Variants in PRKCB observed in about 807,000 individuals in gnomAD.
PRKCB encodes the protein protein kinase C beta type.
A neutral mutation model predicts 81.5 loss-of-function variants in PRKCB; 13 were observed. The observed-to-expected ratio is 0.16, with a 90% CI of 0.10 to 0.25. PRKCB has a LOEUF of 0.25. PRKCB is among the 10% of genes least tolerant of loss of function. The pLI, the probability that PRKCB is intolerant of heterozygous loss-of-function variation, is 1.00. For synonymous variants in PRKCB, 335 were observed against 321.4 expected, an observed-to-expected ratio of 1.04 and a Z score of -0.45; for missense variants, 509 against 875.7, an observed-to-expected ratio of 0.58 and a Z score of 5.29.
intron 3 of PRKCB, among the ~76,000 whole-genome samples, chr16:23,991,602 T>G (rs1567337053): frequency 6.6e-6 from 1 of 152,224 alleles, no homozygotes; most frequent in East Asian, 1.9e-4. Flanking sequence ...AAAGGAAAAT[T>G]TTGGGTCCTT....
intron 7 of PRKCB, among the ~76,000 whole-genome samples, chr16:24,095,580 A>T (rs1048994861): frequency 6.6e-6 from 1 of 152,192 alleles, no homozygotes; most frequent in Non-Finnish European, 1.5e-5. Context: ...GCTCTGGGAT[A>T]AAGGCTGATA....
intron 7 of PRKCB, among the ~76,000 whole-genome samples, chr16:24,108,333 A>ATT (rs199984593): frequency 2.0e-3 from 275 of 134,956 alleles, no homozygotes; most frequent in African/African-American, 7.3e-3. Context: ...TTTTTATTTT[A>ATT]TTTTTTTTTA....
chr16:24,122,256 T>G (rs539052917), intron 8 of PRKCB, among the ~76,000 whole-genome samples: 4 of 152,084 alleles, frequency 2.6e-5, no homozygotes, highest in African/African-American at 7.2e-5. Flanking sequence ...TTTGGTGCAT[T>G]CAGAGAGCAG....
At chr16:23,957,444 T>C (rs1964364767) in intron 2 of PRKCB, among the ~76,000 whole-genome samples, 1 of 152,164 alleles carries the variant, frequency 6.6e-6, no homozygotes, top group African/African-American at 2.4e-5. Flanking sequence ...TTTGAGAAAG[T>C]TGAGTACCCA....
At chr16:24,081,086 A>G (rs1401998749) in intron 5 of PRKCB, among the ~76,000 whole-genome samples, 1 of 152,176 alleles carries the variant, frequency 6.6e-6, no homozygotes, top group East Asian at 1.9e-4. Flanking sequence ...ATAAAGTACA[A>G]TTTATCATTT....
chr16:24,016,421 A>G (rs115820504), intron 3 of PRKCB, among the ~76,000 whole-genome samples: 2,438 of 152,096 alleles, frequency 0.016, 70 homozygotes, highest in African/African-American at 0.056. Context: ...CGTTGAAACA[A>G]CAGGTATAAA....
intron 11 of PRKCB, among the ~76,000 whole-genome samples, chr16:24,174,019 G>C (rs1324354746): frequency 6.6e-6 from 1 of 151,642 alleles, no homozygotes; most frequent in Admixed American, 6.6e-5. Context: ...TCTTTTTTGG[G>C]GGGGTGGGGG....
chr16:24,116,837 C>A (rs1966742124), intron 8 of PRKCB, among the ~76,000 whole-genome samples: 1 of 152,176 alleles, frequency 6.6e-6, no homozygotes, highest in African/African-American at 2.4e-5. Context: ...TTGTATATAA[C>A]CAAGTCTCAG....
intron 15 of PRKCB, among the ~76,000 whole-genome samples, chr16:24,190,461 T>C (rs1311187733): frequency 6.6e-6 from 1 of 151,754 alleles, no homozygotes. Flanking sequence ...AATGGATAAA[T>C]GGATCATGTG....
chr16:24,156,907 A>G (rs1967169373), intron 10 of PRKCB, among the ~76,000 whole-genome samples: 1 of 152,210 alleles, frequency 6.6e-6, no homozygotes, highest in Non-Finnish European at 1.5e-5. Flanking sequence ...TAAGTAAGAA[A>G]GGGACCTTGT....
intron 2 of PRKCB, among the ~76,000 whole-genome samples, chr16:23,918,230 G>A (rs1963772014): frequency 6.6e-6 from 1 of 151,928 alleles, no homozygotes; most frequent in Non-Finnish European, 1.5e-5. Flanking sequence ...AGAAGCAGTG[G>A]GGGTTTCTAT....
chr16:23,985,082 TTTTG>T (rs1397429556), intron 2 of PRKCB, among the ~76,000 whole-genome samples: 3 of 152,068 alleles, frequency 2.0e-5, no homozygotes, highest in Admixed American at 6.6e-5. Context: ...TTCCTATTGT[TTTTG>T]TTTGTTTGTT....
chr16:23,943,189 A>G (rs195996), intron 2 of PRKCB, among the ~76,000 whole-genome samples: 83,337 of 151,988 alleles, frequency 0.55, 23,552 homozygotes, highest in East Asian at 0.66. Context: ...CCACTATAAA[A>G]GGAGAAAAAT....
In PRKCB at chr16:24,110,509, C is replaced by CTTTTTTTT. The variant is rs777132623; in HGVS notation, c.822-2464_822-2463insTTTTTTTT. Among the ~76,000 whole-genome samples, 17 of 125,322 alleles carry CTTTTTTTT rather than the reference C, an allele frequency of 1.4e-4. 1 individual carries two copies. The highest frequency in any genetic ancestry group is 4.1e-4 in the East Asian group (2 of 4,872). 82.2% of individuals were successfully genotyped at this position (125,322 alleles called of 152,430 possible). ...TACAGGCATAAGCCACCATGCCCAA[C>CTTTTTTTT]CTTTTTTTTTTTTTTTTTTTTTTGA... is the stretch of plus-strand genomic sequence containing the variant. On this transcript the variant is annotated intron_variant, in intron 7 of 16. Transcript: ENST00000643927.
chr16:24,014,398 A>C (rs993223767), intron 3 of PRKCB, among the ~76,000 whole-genome samples: 9 of 152,048 alleles, frequency 5.9e-5, no homozygotes, highest in Admixed American at 5.9e-4. Context: ...CAATGAATGC[A>C]CAACCCGGCC....
At chr16:23,877,164 A>T (rs138777136) in intron 2 of PRKCB, among the ~76,000 whole-genome samples, 8 of 152,108 alleles carry the variant, frequency 5.3e-5, no homozygotes, top group African/African-American at 1.7e-4. Flanking sequence ...CACCTGGGTA[A>T]CATAGTGAGA....
intron 2 of PRKCB, among the ~76,000 whole-genome samples, chr16:23,949,788 G>A (rs1964252591): frequency 6.6e-6 from 1 of 152,170 alleles, no homozygotes; most frequent in South Asian, 2.1e-4. Context: ...GTACTAGGAA[G>A]ATAACATTCT....
intron 12 of PRKCB, among the ~76,000 whole-genome samples, chr16:24,178,037 T>C (rs1441406027): frequency 1.3e-5 from 2 of 152,192 alleles, no homozygotes; most frequent in Non-Finnish European, 2.9e-5. Context: ...AGAGATTGAT[T>C]TCATAGTGGT....
intron 2 of PRKCB, among the ~76,000 whole-genome samples, chr16:23,951,916 A>G (rs196002): frequency 0.57 from 86,544 of 151,786 alleles, 25,237 homozygotes; most frequent in Non-Finnish European, 0.63. Context: ...GGTACCTTGT[A>G]TATACTCCTT....
Sources: allele counts gnomAD v4.1 joint callset (sites outside exome capture counted in the v4.1 genomes callset), GRCh38; gene constraint gnomAD v4.1.1; transcripts MANE v1.5; gene names NCBI Gene and HGNC (gene_info 2026-07-23, HGNC 2026-07-21).